Variants in CNNM1 observed in about 807,000 individuals in gnomAD.
CNNM1 encodes the protein cyclin and CBS domain divalent metal cation transport mediator 1, also known as metal transporter CNNM1.
Under a neutral mutation model 78.8 loss-of-function variants are expected in CNNM1, and 44 were observed. The observed-to-expected ratio is 0.56, with a 90% CI of 0.44 to 0.72. The LOEUF (loss-of-function observed/expected upper bound fraction) is 0.72, where lower values mean the gene tolerates loss of function less well. Among genes scored for constraint, CNNM1 ranks in the 30% least tolerant of loss-of-function variants. CNNM1 has a pLI of 0.00. For synonymous variants in CNNM1, 584 were observed against 581.5 expected (o/e 1.00, Z -0.06); for missense variants, 1,101 against 1,292.2 (o/e 0.85, Z 2.27).
chr10:99,374,049 T>C (rs1282642742), intron 6 of CNNM1, among the ~76,000 whole-genome samples: 2 of 152,234 alleles, frequency 1.3e-5, no homozygotes, highest in Non-Finnish European at 2.9e-5. Context: ...TACAGGTATC[T>C]TTTTTACATA....
At chr10:99,379,525 C>T (rs1178882370) in intron 7 of CNNM1, among the ~76,000 whole-genome samples, 1 of 152,146 alleles carries the variant, frequency 6.6e-6, no homozygotes, top group Non-Finnish European at 1.5e-5. Flanking sequence ...GGTCTGAGTG[C>T]CGGCCCATGG....
chr10:99,341,722 G>T (rs1589887596), intron 1 of CNNM1, among the ~76,000 whole-genome samples: 1 of 152,298 alleles, frequency 6.6e-6, no homozygotes, highest in South Asian at 2.1e-4. Flanking sequence ...CGCTGGGAAA[G>T]CCATTATCAT....
At chr10:99,349,534 A>C (rs1455889020) in intron 1 of CNNM1, among the ~76,000 whole-genome samples, 1 of 152,202 alleles carries the variant, frequency 6.6e-6, no homozygotes, top group Admixed American at 6.5e-5. Context: ...ATATTGAGGA[A>C]ATGCAAATTC....
At chr10:99,341,075 G>A (rs572243668) in intron 1 of CNNM1, among the ~76,000 whole-genome samples, 1 of 152,248 alleles carries the variant, frequency 6.6e-6, no homozygotes, top group East Asian at 1.9e-4. Context: ...AAAGTATAGG[G>A]AGCTCTGAAC....
At chr10:99,352,655 A>G (rs1378606823) in intron 1 of CNNM1, among the ~76,000 whole-genome samples, 3 of 152,186 alleles carry the variant, frequency 2.0e-5, no homozygotes, top group Admixed American at 6.5e-5. Context: ...AACCAATTGT[A>G]TATCTTCTTT....
chr10:99,354,415 A>G (rs1384983089), intron 1 of CNNM1, among the ~76,000 whole-genome samples: 3 of 152,216 alleles, frequency 2.0e-5, no homozygotes, highest in Non-Finnish European at 4.4e-5. Flanking sequence ...TGGTTTTAAT[A>G]TCACCTATTG....
intron 1 of CNNM1, among the ~76,000 whole-genome samples, chr10:99,347,232 A>G (rs189828503): frequency 3.1e-4 from 47 of 152,276 alleles, no homozygotes; most frequent in African/African-American, 1.1e-3. Context: ...CTTTTAAAAT[A>G]TAAGTCAGCC....
At position 99,330,784 on chromosome 10, in the gene CNNM1, T is replaced by G; in HGVS notation, c.1397T>G (p.Val466Gly). ...ILRSGYTRIP[V>G]YEGDQRHNIV... ...CGCAGCGGCTACACTCGCATCCCAG[T>G]GTACGAGGGTGACCAGCGGCACAAC... is the stretch of plus-strand genomic sequence containing the variant. Residue 466 changes from valine to glycine, a missense_variant, in exon 1 of 11, where the codon GTG (valine) becomes GGG (glycine). By Grantham distance (109) the Val-to-Gly change is moderately radical. Around this residue, in one of 3 missense-constraint regions of CNNM1, gnomAD observed 277 missense variants for 423.2 expected, o/e 0.65. Transcript: ENST00000356713. 6.2e-7 allele frequency: 1 copy of G among 1,614,122 alleles called. No homozygotes were observed.
At chr10:99,376,896 G>A (rs756683765) in intron 6 of CNNM1, among the ~76,000 whole-genome samples, 159 bp from the exon 7 acceptor site, 2 of 152,046 alleles carry the variant, frequency 1.3e-5, no homozygotes, top group Non-Finnish European at 2.9e-5. Flanking sequence ...TGGGAAGGGT[G>A]AGGCCCATCA....
intron 7 of CNNM1, among the ~76,000 whole-genome samples, chr10:99,384,103 T>A (rs1283193862): frequency 6.6e-6 from 1 of 152,228 alleles, no homozygotes; most frequent in Non-Finnish European, 1.5e-5. Context: ...ATGTGACTAC[T>A]AGAAAACTTT....
chr10:99,360,742 A>G (rs1306884080), intron 2 of CNNM1, 93 bp from the exon 3 acceptor site: 1 of 1,481,216 alleles, frequency 6.8e-7, no homozygotes, highest in Non-Finnish European at 9.1e-7. Context: ...GACACTGCAG[A>G]AATGTTCTAT....
chr10:99,363,418 G>T (rs2031503344), intron 4 of CNNM1, among the ~76,000 whole-genome samples: 1 of 152,092 alleles, frequency 6.6e-6, no homozygotes, highest in Non-Finnish European at 1.5e-5. Flanking sequence ...TAAACTTAAC[G>T]GTTTTCAAAT....
rs149033742 is a variant in CNNM1 at position 99,330,512 on chromosome 10, G to C, written c.1125G>C (p.Pro375=). Residue 375 remains proline, a synonymous_variant, in exon 1 of 11, where the codon CCG becomes CCC. Transcript: ENST00000356713. ...LMAAAFPVCY[P]LGRLLDWALR... ...CAGCCGCCTTCCCCGTGTGCTACCCGCTGGGCCGCCTGCTGGACTGGGCGC... is the reference window on the plus strand; with the variant it reads ...CAGCCGCCTTCCCCGTGTGCTACCCCCTGGGCCGCCTGCTGGACTGGGCGC... The C allele has an allele frequency of 2.3e-4, 358 of 1,586,114 alleles. No homozygotes were observed. Among genetic ancestry groups the C allele is most frequent in the Non-Finnish European group, 2.8e-4 (324 of 1,166,980 alleles).
At chr10:99,379,966 T>TA (rs1230074753) in intron 7 of CNNM1, among the ~76,000 whole-genome samples, 2 of 152,024 alleles carry the variant, frequency 1.3e-5, no homozygotes, top group Non-Finnish European at 2.9e-5. Context: ...GTTTGCAGAT[T>TA]ACCTCTCATT....
chr10:99,371,804 A>G (rs1379535563), intron 6 of CNNM1, among the ~76,000 whole-genome samples: 1 of 152,122 alleles, frequency 6.6e-6, no homozygotes, highest in East Asian at 1.9e-4. Context: ...CCCCAGTATA[A>G]TGAATTTTAA....
intron 6 of CNNM1, chr10:99,368,544 T>C (rs1337953243): frequency 3.1e-6 from 3 of 981,562 alleles, no homozygotes; most frequent in Non-Finnish European, 4.2e-6. Flanking sequence ...ACCCACTTTG[T>C]TCTTTGTCTC....
intron 1 of CNNM1, among the ~76,000 whole-genome samples, chr10:99,336,915 G>A (rs573567012): frequency 3.3e-5 from 5 of 152,278 alleles, no homozygotes; most frequent in Non-Finnish European, 1.5e-5. Context: ...CTGAACTCCA[G>A]TGGCAACAGA....
rs1589916486 is a variant in CNNM1, at chr10:99,376,635, G to A, written c.2177-420G>A. 2.0e-5 allele frequency among the ~76,000 whole-genome samples: 3 copies of A among 152,306 alleles called. No homozygotes were observed. The East Asian group carries it at 5.8e-4, about 29-fold the overall frequency. ...ATGGTAGAGGGGCGCATGGTCTAGG[G>A]TAGCAAGCCATGCTTGTAGTACTGC... On this transcript the variant is annotated intron_variant, in intron 6 of 10. Coordinates refer to ENST00000356713, the MANE Select transcript of CNNM1 (RefSeq NM_020348.3).
chr10:99,331,465 C>A (rs2029906407), intron 1 of CNNM1, among the ~76,000 whole-genome samples: 1 of 152,232 alleles, frequency 6.6e-6, no homozygotes, highest in Admixed American at 6.5e-5. Context: ...GTCTCCAAAT[C>A]CTTCTACCTC....
Sources: gnomAD v4.1 joint callset for allele counts (sites outside exome capture counted in the v4.1 genomes callset) on GRCh38, gnomAD v4.1.1 for gene constraint, gnomAD v4.1.1 regional missense constraint, MANE v1.5 for transcripts, NCBI Gene and HGNC (gene_info 2026-07-23, HGNC 2026-07-21) for gene names.